CROCC: variants seen among roughly 807,000 people sequenced by gnomAD.
CROCC encodes the protein rootletin.
CROCC carries 180 observed loss-of-function variants against 245.2 expected under a neutral mutation model. That is an observed-to-expected ratio of 0.73 (90% CI 0.65 to 0.83). The LOEUF is 0.83. Among genes scored for constraint, CROCC ranks in the 40% least tolerant of loss-of-function variants. The pLI is 0.00. For missense variants in CROCC, 2,688 were observed against 2,779.4 expected (o/e 0.97, Z 0.74); for synonymous variants, 1,205 against 1,241.6 (o/e 0.97, Z 0.62).
intron 27 of CROCC, among the ~76,000 whole-genome samples, chr1:16,964,841 C>T (rs2076393431): frequency 6.6e-6 from 1 of 152,236 alleles, no homozygotes. Context: ...TGCCACCACG[C>T]CCAGCTAATT....
At chr1:16,960,716 G>A in intron 26 of CROCC, 42 bp from the exon 27 acceptor site, 1 of 1,453,130 alleles carries the variant, frequency 6.9e-7, no homozygotes, top group South Asian at 1.4e-5. Flanking sequence ...GCGTCGGGTT[G>A]GGAGAGGTCT....
In CROCC at chr1:16,960,984, C is replaced by G; in HGVS notation, c.4259C>G (p.Ala1420Gly). Residue 1420 changes from alanine (A) to glycine (G), a missense_variant, in exon 27 of 37, where the codon GCC becomes GGC. Ala to Gly is a moderately conservative substitution (Grantham distance 60). Coordinates refer to ENST00000375541, the MANE Select transcript of CROCC (RefSeq NM_014675.5). The stretch of plus-strand genomic sequence containing the variant: ...GCACAAGGCCTGGAGGCCGAGCTGG[C>G]CCGCGTGGAGGTGCAGCGGCGCGCG... ...GRAQGLEAEL[A>G]RVEVQRRAAE... 7.5e-7 allele frequency: 1 copy of G among 1,342,150 alleles called. No homozygotes were observed. The highest frequency in any genetic ancestry group is 1.9e-5 in the South Asian group (1 of 51,758). The allele number at this position is 1,342,150 out of a possible 1,614,324, so 83.1% of individuals were successfully genotyped here. A position where few individuals can be genotyped will look rare whatever the true frequency, so the allele number is the denominator to read the frequency against.
Position 16,939,486 on chromosome 1 carries a change from G to C in CROCC, c.1608+344G>C, listed in dbSNP as rs569550154. Among the ~76,000 whole-genome samples, 50 of 152,316 alleles carry C rather than the reference G, an allele frequency of 3.3e-4. No individual in the cohort carries two copies. The South Asian group carries it at 1.0e-2, about 30-fold the overall frequency. On this transcript the variant is annotated intron_variant, in intron 12 of 36. Coordinates refer to ENST00000375541, the MANE Select transcript of CROCC (RefSeq NM_014675.5). Reference sequence around the variant, plus strand: ...CTGGTCATACAGAGCCAGGACCCTGGGAAAAGGTCTAGCAAGGGGAATCAG... The same window carrying C: ...CTGGTCATACAGAGCCAGGACCCTGCGAAAAGGTCTAGCAAGGGGAATCAG...
At position 16,961,144 on chromosome 1, in the gene CROCC, C is replaced by G. The variant is rs2273112; in HGVS notation, c.4405+14C>G. The G allele has an allele frequency of 9.4e-4, 1,225 of 1,302,262 alleles. 2 individuals carry two copies. The African/African-American group carries it at 0.017, about 18-fold the overall frequency. 80.7% of individuals were successfully genotyped at this position (1,302,262 alleles called of 1,614,324 possible). On this transcript the variant is annotated intron_variant, in intron 27 of 36. Transcript: ENST00000375541. ...CACCCGCAGAAGGTAAGGGCAGTGC[C>G]GCGCGCAGGGAAGGGGGGAGGTGGG...
intron 30 of CROCC, 71 bp from the exon 31 acceptor site, chr1:16,968,132 G>T: frequency 6.8e-7 from 1 of 1,467,696 alleles, no homozygotes; most frequent in Non-Finnish European, 9.3e-7. Flanking sequence ...CCCCCTAAGG[G>T]CCCCAGGGCG....
At chr1:16,940,991 A>G (rs1159984935) in intron 13 of CROCC, 37 of 329,716 alleles carry the variant, frequency 1.1e-4, no homozygotes, top group Non-Finnish European at 2.0e-4. Context: ...GGCAACTCTG[A>G]TCTCAGCCTC....
intron 17 of CROCC, among the ~76,000 whole-genome samples, chr1:16,947,490 A>AATG (rs1488817743): frequency 6.6e-6 from 1 of 151,296 alleles, no homozygotes; most frequent in East Asian, 1.9e-4. Context: ...TAATAATAAT[A>AATG]ATAATAATAA....
chr1:16,954,402 C>T lies in CROCC; in HGVS notation c.3321+45C>T. ...TGGGCCTCTGTCTCATAGAGAGGCA[C>T]ATCCCTGGCTGAGGAGCCCCCACCA... On this transcript the variant is annotated intron_variant, in intron 22 of 36. Transcript: ENST00000375541. This position sits in a 1 kb window ranked among gnomAD's most constrained non-coding sequence, Gnocchi z 4.4. 6.3e-7 allele frequency: 1 copy of T among 1,579,932 alleles called. No homozygotes were observed. The highest frequency in any genetic ancestry group is 1.3e-5 in the African/African-American group (1 of 74,314).
intron 17 of CROCC, 57 bp from the exon 18 acceptor site, chr1:16,948,274 A>C: frequency 6.7e-7 from 1 of 1,483,778 alleles, no homozygotes; most frequent in Non-Finnish European, 8.9e-7. Context: ...GGGGTGCTGC[A>C]CGATGAACAA....
rs185815555 is a variant in CROCC, at chr1:16,972,291, C to T, written c.5968-69C>T. 3.2e-3 allele frequency: 4,032 copies of T among 1,269,740 alleles called. 14 individuals are homozygous for T. The highest frequency in any genetic ancestry group is 8.1e-3 in the Middle Eastern group (44 of 5,400). The allele number at this position is 1,269,740 out of a possible 1,614,324, so 78.7% of individuals were successfully genotyped here. On this transcript the variant is annotated intron_variant, in intron 36 of 36. Transcript: ENST00000375541. ...TGTGGCACTGTGTCCCTCCGGGTTCCCTGCTGCCTCCCTTTCTCTGAAGCC... is the reference window on the plus strand; with the variant it reads ...TGTGGCACTGTGTCCCTCCGGGTTCTCTGCTGCCTCCCTTTCTCTGAAGCC...
At chr1:16,927,181 C>T (rs1437644646) in intron 3 of CROCC, among the ~76,000 whole-genome samples, 1 of 152,266 alleles carries the variant, frequency 6.6e-6, no homozygotes, top group East Asian at 1.9e-4. Context: ...CAGAAACACT[C>T]CAATTCACAG....
chr1:16,924,293 A>G lies in CROCC; in HGVS notation c.197-32A>G. ...GGGGAGGATGTCCCACTGGACCCAG[A>G]AGCCAACCATGTGCCCACTGTCCCT... On this transcript the variant is annotated intron_variant, in intron 2 of 36. Coordinates refer to ENST00000375541, the MANE Select transcript of CROCC (RefSeq NM_014675.5). 1.9e-6 allele frequency: 3 copies of G among 1,602,150 alleles called. No individual in the cohort carries two copies. The South Asian group carries it at 3.3e-5, about 18-fold the overall frequency.
At chr1:16,940,283 G>A (rs1432199450) in intron 13 of CROCC, among the ~76,000 whole-genome samples, 190 bp downstream of exon 13, 1 of 152,270 alleles carries the variant, frequency 6.6e-6, no homozygotes, top group Non-Finnish European at 1.5e-5. Context: ...GAGTGCAGTG[G>A]CGCGATCTCG....
chr1:16,961,627 A>G (rs140848724), intron 27 of CROCC, among the ~76,000 whole-genome samples: 1 of 152,124 alleles, frequency 6.6e-6, no homozygotes, highest in African/African-American at 2.4e-5. Flanking sequence ...CTTTTGAGAC[A>G]GGATCTCACT....
rs1444779398 is a variant in CROCC, at chr1:16,946,304, A to G, written c.2182A>G (p.Arg728Gly). The change falls in exon 16 of 37, where the codon AGG becomes GGG. Residue 728 changes from arginine (R) to glycine (G), a missense_variant. Physicochemically the swap from Arg to Gly is moderately radical, Grantham distance 125. Transcript: ENST00000375541. ...GCTCGAGCTCTCCATGACCAAGCTGAGGGCAGAGGAGGCCTCCCTGCAGGA... is the reference window on the plus strand; with the variant it reads ...GCTCGAGCTCTCCATGACCAAGCTGGGGGCAGAGGAGGCCTCCCTGCAGGA... ...VELELSMTKLRAEEASLQDSL... is the reference protein window; with the variant it reads ...VELELSMTKLGAEEASLQDSL... 1.2e-6 allele frequency: 2 copies of G among 1,613,538 alleles called. No homozygotes were observed. The highest frequency in any genetic ancestry group is 2.2e-5 in the East Asian group (1 of 44,886).
upstream of CROCC, among the ~76,000 whole-genome samples, chr1:16,919,501 A>T (rs6586562): frequency 1.3e-5 from 2 of 152,102 alleles, no homozygotes; most frequent in Non-Finnish European, 2.9e-5. Context: ...GTAGCAGGAC[A>T]AGCCGCAGGC....
At chr1:16,937,954 A>T (rs1455594397) in intron 10 of CROCC, among the ~76,000 whole-genome samples, 2 of 152,264 alleles carry the variant, frequency 1.3e-5, no homozygotes, top group African/African-American at 4.8e-5. Context: ...CATAACACAG[A>T]TGGGGAAACT....
chr1:16,948,071 T>G (rs149945465), intron 17 of CROCC, among the ~76,000 whole-genome samples: 222 of 152,374 alleles, frequency 1.5e-3, no homozygotes, highest in Non-Finnish European at 2.5e-3. Flanking sequence ...ACTCCTGACC[T>G]CAAGTGATCC....
At chr1:16,971,748 C>T (rs541907413) in intron 36 of CROCC, 101 bp downstream of exon 36, 1 of 1,195,618 alleles carries the variant, frequency 8.4e-7, no homozygotes, top group East Asian at 2.8e-5. Context: ...CAGTCGATGG[C>T]TCCCGTAACC....
Sources: gnomAD v4.1 joint callset for allele counts (sites outside exome capture counted in the v4.1 genomes callset) on GRCh38, gnomAD v4.1.1 for gene constraint, Gnocchi (gnomAD v3.1) non-coding constraint, MANE v1.5 for transcripts, NCBI Gene and HGNC (gene_info 2026-07-23, HGNC 2026-07-21) for gene names.